Variants in ASB15 observed in about 807,000 individuals in gnomAD.
ASB15 encodes ankyrin repeat and SOCS box containing 15.
In ASB15, 54 loss-of-function variants were observed where a neutral mutation model predicts 58.0. That is an observed-to-expected ratio of 0.93 (90% CI 0.75 to 1.17). The LOEUF (loss-of-function observed/expected upper bound fraction) is 1.17, where lower values mean the gene tolerates loss of function less well. Among genes scored for constraint, ASB15 ranks in the 50% most tolerant of loss-of-function variants. The pLI, the probability that ASB15 is intolerant of heterozygous loss-of-function variation, is 0.00. For synonymous variants in ASB15, 249 were observed against 262.4 expected (o/e 0.95, Z 0.50); for missense variants, 680 against 707.4 (o/e 0.96, Z 0.44).
intron 1 of ASB15, among the ~76,000 whole-genome samples, chr7:123,595,641 T>C (rs915557741): frequency 2.2e-4 from 34 of 152,234 alleles, no homozygotes; most frequent in Admixed American, 1.3e-4. Context: ...GCATACCTAG[T>C]GCACAGCATA....
chr7:123,624,578 AG>A lies in ASB15; in HGVS notation c.464del (p.Gly155AlafsTer9), dbSNP rs772681696. The A allele has an allele frequency of 6.8e-6, 11 of 1,610,990 alleles. No homozygotes were observed. The Admixed American group carries it at 1.8e-4, about 27-fold the overall frequency. On this transcript the variant is annotated frameshift_variant, in exon 8 of 12. Transcript: ENST00000451215. LOFTEE classifies it high-confidence loss of function. ...AACAATCATTTTCAAGCTGTGAAAA[AG>A]GGCTCCTATGACATGGTGTCGACTC... Reference protein sequence around the residue: ...GETPLLIAVKKGSYDMVSTLI... With the variant: ...GETPLLIAVKXGSYDMVSTLI...
chr7:123,610,819 G>C (rs1800396396), intron 3 of ASB15, among the ~76,000 whole-genome samples: 2 of 152,286 alleles, frequency 1.3e-5, no homozygotes, highest in Admixed American at 1.3e-4. Context: ...GAACAAGATT[G>C]AATGTTAAAT....
upstream of ASB15, among the ~76,000 whole-genome samples, chr7:123,597,638 C>G (rs537006224): frequency 6.6e-6 from 1 of 152,016 alleles, no homozygotes; most frequent in Non-Finnish European, 1.5e-5. Context: ...TCGAGACCAG[C>G]TTGGCCAACA....
intron 1 of ASB15, among the ~76,000 whole-genome samples, chr7:123,602,713 C>T (rs1057418173): frequency 2.4e-4 from 37 of 152,030 alleles, no homozygotes; most frequent in African/African-American, 7.5e-4. Flanking sequence ...TGGAGTTGTT[C>T]GATGAATTTG....
chr7:123,606,540 G>T (rs1479966070), intron 2 of ASB15, among the ~76,000 whole-genome samples: 3 of 152,080 alleles, frequency 2.0e-5, no homozygotes, highest in Admixed American at 6.6e-5. Flanking sequence ...ATACAATATT[G>T]TTAACTACAG....
At chr7:123,622,645 G>C (rs1346650661) in intron 7 of ASB15, 1 of 152,084 alleles carries the variant, frequency 6.6e-6, no homozygotes, top group South Asian at 2.1e-4. Flanking sequence ...GAGGGAACAG[G>C]CTCATTATTT....
chr7:123,590,204 G>A (rs1799496412), intron 1 of ASB15, among the ~76,000 whole-genome samples: 1 of 152,100 alleles, frequency 6.6e-6, no homozygotes, highest in Non-Finnish European at 1.5e-5. Flanking sequence ...TAAGTTCTGT[G>A]TAGATTCTGG....
chr7:123,630,859 G>A (rs964756719), intron 11 of ASB15, among the ~76,000 whole-genome samples: 22 of 152,108 alleles, frequency 1.4e-4, no homozygotes, highest in Admixed American at 6.5e-5. Context: ...CATTTTTAAT[G>A]TACCTGAATC....
Position 123,614,563 on chromosome 7 carries a change from A to G in ASB15, c.61A>G (p.Ile21Val). ...TACAAGTTATGATATTCAGCTAAGT[A>G]TTCAAGAATCCATTGAAGCCAGCAA... ...HLTSYDIQLSIQESIEASKTA... is the reference protein window; with the variant it reads ...HLTSYDIQLSVQESIEASKTA... Residue 21 changes from isoleucine to valine, a missense_variant, in exon 4 of 12, where the codon ATT (isoleucine) becomes GTT (valine). Physicochemically the swap from Ile to Val is conservative, Grantham distance 29. Transcript: ENST00000451215. The G allele has an allele frequency of 6.2e-7, 1 of 1,612,034 alleles. No individual in the cohort carries two copies.
chr7:123,605,299 T>G (rs1800090654), intron 2 of ASB15, among the ~76,000 whole-genome samples: 1 of 152,132 alleles, frequency 6.6e-6, no homozygotes, highest in Non-Finnish European at 1.5e-5. Flanking sequence ...AGATACCATC[T>G]CACACACCAG....
chr7:123,623,697 C>T (rs1801484424), intron 7 of ASB15, among the ~76,000 whole-genome samples: 1 of 151,840 alleles, frequency 6.6e-6, no homozygotes, highest in South Asian at 2.1e-4. Flanking sequence ...AACCCTGTCT[C>T]TACTAAAAAT....
Position 123,638,487 on chromosome 7 carries a change from G to T in ASB15, c.*1506G>T, listed in dbSNP as rs957403974. On this transcript the variant is annotated 3_prime_UTR_variant, in exon 12 of 12. Transcript: ENST00000451215. ...CTATCACCATCATTTCATAAAAGAG[G>T]GGTCATTTTAATGCCAGAAAGTAAG... 1 of 151,972 alleles carries T rather than the reference G, an allele frequency of 6.6e-6. No homozygotes were observed. Among genetic ancestry groups the T allele is most frequent in the South Asian group, 2.1e-4 (1 of 4,798 alleles). 9.4% of individuals were successfully genotyped at this position (151,972 alleles called of 1,614,324 possible).
rs59251927 is a variant in ASB15 at position 123,610,899 on chromosome 7, T to C, written c.-3+2245T>C. Among the ~76,000 whole-genome samples, 1,174 of 151,994 alleles carry C rather than the reference T, an allele frequency of 7.7e-3. 18 individuals are homozygous for C. Among genetic ancestry groups the C allele is most frequent in the African/African-American group, 0.027 (1,128 of 41,484 alleles). ...GGCTCATGCCTGTAATCCTAGCACA[T>C]TGCGGGGGCCCATCTCTACTAAAAA... On this transcript the variant is annotated intron_variant, in intron 3 of 11. Coordinates refer to ENST00000451215, the MANE Select transcript of ASB15 (RefSeq NM_001290258.2).
chr7:123,577,446 A>T (rs1384152955), intron 1 of ASB15, among the ~76,000 whole-genome samples: 1 of 152,170 alleles, frequency 6.6e-6, no homozygotes. Flanking sequence ...CATTCACTTA[A>T]GATAACTGAA....
chr7:123,616,429 G>C lies in ASB15; in HGVS notation c.226G>C (p.Gly76Arg). 1 of 1,609,264 alleles carries C rather than the reference G, an allele frequency of 6.2e-7. No individual in the cohort carries two copies. Among genetic ancestry groups the C allele is most frequent in the Non-Finnish European group, 8.5e-7 (1 of 1,175,924 alleles). ...TGCAATGGATGAAGCTGATGAAAAA[G>C]GATGGTTTCCATTGCATGAAGCTGT... ...KYAMDEADEKGWFPLHEAVVQ... is the reference protein window; with the variant it reads ...KYAMDEADEKRWFPLHEAVVQ... The change falls in exon 6 of 12, where the codon GGA becomes CGA. Residue 76 changes from glycine (G) to arginine (R), a missense_variant. Gly to Arg is a moderately radical substitution (Grantham distance 125). Coordinates refer to ENST00000451215, the MANE Select transcript of ASB15 (RefSeq NM_001290258.2).
intron 8 of ASB15, 90 bp downstream of exon 8, chr7:123,624,904 A>T: frequency 1.4e-6 from 2 of 1,430,524 alleles, no homozygotes; most frequent in Middle Eastern, 4.6e-4. Context: ...ACCTGAATGT[A>T]ACTAGGGGAG....
intron 7 of ASB15, 127 bp from the exon 8 acceptor site, chr7:123,624,442 A>G: frequency 3.5e-6 from 3 of 856,370 alleles, no homozygotes; most frequent in African/African-American, 3.4e-5. Context: ...GAAATACATT[A>G]TTTTCCTTGT....
intron 1 of ASB15, among the ~76,000 whole-genome samples, chr7:123,578,036 TC>T (rs993610621): frequency 6.6e-6 from 1 of 151,250 alleles, no homozygotes; most frequent in Non-Finnish European, 1.5e-5. Context: ...ATGTTATCCC[TC>T]CCCTAGCCCC....
At chr7:123,636,586 GCA>G (rs764073558) in intron 11 of ASB15, among the ~76,000 whole-genome samples, 11 of 152,066 alleles carry the variant, frequency 7.2e-5, no homozygotes, top group Non-Finnish European at 1.3e-4. Context: ...TCTCTTCCTG[GCA>G]CAGAGACAGA....
Sources: allele counts gnomAD v4.1 joint callset (sites outside exome capture counted in the v4.1 genomes callset), GRCh38; gene constraint gnomAD v4.1.1; transcripts MANE v1.5; gene names NCBI Gene and HGNC (gene_info 2026-07-23, HGNC 2026-07-21).